Variants in UNC5C observed in about 807,000 individuals in gnomAD.
The protein encoded by UNC5C is unc-5 netrin receptor C.
Under a neutral mutation model 99.8 loss-of-function variants are expected in UNC5C, and 47 were observed. That is an observed-to-expected ratio of 0.47 (90% CI 0.37 to 0.60). The LOEUF (loss-of-function observed/expected upper bound fraction) is 0.60, where lower values mean the gene tolerates loss of function less well. Ranked by LOEUF, UNC5C falls within the 20% of genes least tolerant of loss-of-function variation. The probability of loss-of-function intolerance (pLI) is 0.00; values close to 1 mark genes in which losing one functional copy is unlikely to be tolerated. For synonymous variants in UNC5C, 487 were observed against 452.2 expected, an observed-to-expected ratio of 1.08 and a Z score of -0.98; for missense variants, 1,062 against 1,165.9, an observed-to-expected ratio of 0.91 and a Z score of 1.30.
intron 3 of UNC5C, among the ~76,000 whole-genome samples, chr4:95,295,937 T>C (rs892111005): frequency 6.6e-6 from 1 of 152,018 alleles, no homozygotes; most frequent in African/African-American, 2.4e-5. Flanking sequence ...AATACAAAAA[T>C]TAGCCAGGGA....
At chr4:95,224,113 C>G (rs1738580174) in intron 7 of UNC5C, among the ~76,000 whole-genome samples, 1 of 152,108 alleles carries the variant, frequency 6.6e-6, no homozygotes, top group Non-Finnish European at 1.5e-5. Flanking sequence ...GAAAGCCCAT[C>G]TCTACCCAAA....
intron 9 of UNC5C, among the ~76,000 whole-genome samples, chr4:95,217,168 T>C (rs1044775026): frequency 1.3e-5 from 2 of 152,216 alleles, no homozygotes; most frequent in South Asian, 2.1e-4. Context: ...AAGGAAAAGA[T>C]AGTCTTCCTG....
intron 14 of UNC5C, among the ~76,000 whole-genome samples, chr4:95,182,056 C>T (rs925522019): frequency 5.3e-5 from 8 of 152,172 alleles, no homozygotes; most frequent in Non-Finnish European, 1.0e-4. Context: ...CTTTTGGCTT[C>T]TTCTCTTCCC....
intron 1 of UNC5C, among the ~76,000 whole-genome samples, chr4:95,492,692 C>T (rs953411553): frequency 2.0e-4 from 31 of 151,450 alleles, no homozygotes; most frequent in African/African-American, 7.0e-4. Context: ...GATTAAGTTA[C>T]TAATGGAGAG....
At chr4:95,196,350 A>G (rs1466416455) in intron 12 of UNC5C, among the ~76,000 whole-genome samples, 1 of 152,182 alleles carries the variant, frequency 6.6e-6, no homozygotes, top group East Asian at 1.9e-4. Flanking sequence ...ATTCCAAACT[A>G]TTCTCACAAT....
intron 1 of UNC5C, among the ~76,000 whole-genome samples, chr4:95,543,940 T>G (rs1722990463): frequency 6.6e-6 from 1 of 152,218 alleles, no homozygotes; most frequent in African/African-American, 2.4e-5. Context: ...CCGCAGCATC[T>G]CTTCAGATAG....
intron 1 of UNC5C, among the ~76,000 whole-genome samples, chr4:95,366,634 T>C (rs1190943342): frequency 6.6e-6 from 1 of 152,204 alleles, no homozygotes; most frequent in Admixed American, 6.5e-5. Flanking sequence ...TTTGTCAACA[T>C]AAAATTGCTA....
At chr4:95,261,700 A>G (rs1194345521) in intron 4 of UNC5C, among the ~76,000 whole-genome samples, 2 of 143,178 alleles carry the variant, frequency 1.4e-5, no homozygotes, top group Admixed American at 7.3e-5. Context: ...TAACTTCCAT[A>G]TGAATTCCTT....
chr4:95,256,699 A>AATATATATATATATATAAATAAATAT (rs1553958326), intron 4 of UNC5C, among the ~76,000 whole-genome samples: 2 of 90,666 alleles, frequency 2.2e-5, no homozygotes, highest in East Asian at 8.8e-4. Flanking sequence ...GAACTAAATA[A>AATATATATATATATATAAATAAATAT]ATATATATAT....
chr4:95,387,514 T>A (rs1259285094), intron 1 of UNC5C, among the ~76,000 whole-genome samples: 1 of 152,170 alleles, frequency 6.6e-6, no homozygotes, highest in Non-Finnish European at 1.5e-5. Context: ...CATTTCTAAT[T>A]TTGAGTCACT....
chr4:95,371,429 G>C (rs1206559646), intron 1 of UNC5C, among the ~76,000 whole-genome samples: 1 of 64,834 alleles, frequency 1.5e-5, no homozygotes, highest in African/African-American at 9.6e-5. Context: ...TTTGTGGGGG[G>C]GGGGGAGTAT....
intron 1 of UNC5C, among the ~76,000 whole-genome samples, chr4:95,489,840 T>G (rs1321965765): frequency 6.6e-6 from 1 of 151,650 alleles, no homozygotes; most frequent in East Asian, 2.0e-4. Context: ...AGGAGCCTGT[T>G]TCAAGTGGAG....
At chr4:95,538,251 A>C (rs138423974) in intron 1 of UNC5C, among the ~76,000 whole-genome samples, 2 of 152,364 alleles carry the variant, frequency 1.3e-5, no homozygotes, top group East Asian at 3.9e-4. Flanking sequence ...ACACTGCATC[A>C]GCTGCTATTG....
At chr4:95,479,311 CTG>C (rs1203346904) in intron 1 of UNC5C, among the ~76,000 whole-genome samples, 1 of 151,904 alleles carries the variant, frequency 6.6e-6, no homozygotes, top group Non-Finnish European at 1.5e-5. Flanking sequence ...TGATTAAAAA[CTG>C]TGATCACCGT....
intron 7 of UNC5C, among the ~76,000 whole-genome samples, chr4:95,225,650 A>T (rs550794364): frequency 6.6e-6 from 1 of 152,242 alleles, no homozygotes; most frequent in African/African-American, 2.4e-5. Flanking sequence ...AAAAAATTTT[A>T]AAAATATTTT....
chr4:95,353,847 AT>A (rs1380928217), intron 1 of UNC5C, among the ~76,000 whole-genome samples: 1 of 152,096 alleles, frequency 6.6e-6, no homozygotes, highest in Non-Finnish European at 1.5e-5. Flanking sequence ...CTAATTTAAG[AT>A]TTTCTTTAAA....
At chr4:95,445,170 A>G (rs191079483) in intron 1 of UNC5C, among the ~76,000 whole-genome samples, 6 of 152,282 alleles carry the variant, frequency 3.9e-5, no homozygotes, top group African/African-American at 1.4e-4. Context: ...TATAACAAAT[A>G]TATATCAATT....
In UNC5C at chr4:95,365,016, C is replaced by T. The variant is rs961008157; in HGVS notation, c.125-29385G>A. 1.4e-4 allele frequency among the ~76,000 whole-genome samples: 21 copies of T among 151,192 alleles called. No individual in the cohort carries two copies. In the East Asian group the frequency reaches 2.5e-3, roughly 18 times the overall value. On this transcript the variant is annotated intron_variant, in intron 1 of 15. Transcript: ENST00000453304. ...ACATGTAAAAAATAAATATTTAGGT[C>T]GGGTGCAGTGGCTCACACCTGTAAT...
At chr4:95,254,338 C>T (rs1739871006) in intron 4 of UNC5C, among the ~76,000 whole-genome samples, 2 of 152,154 alleles carry the variant, frequency 1.3e-5, no homozygotes, top group Admixed American at 1.3e-4. Flanking sequence ...GTCACACATT[C>T]TAGGCCAAAG....
Sources: allele counts gnomAD v4.1 joint callset (sites outside exome capture counted in the v4.1 genomes callset), GRCh38; gene constraint gnomAD v4.1.1; transcripts MANE v1.5; gene names NCBI Gene and HGNC (gene_info 2026-07-23, HGNC 2026-07-21).